RNF34: variants seen among roughly 807,000 people sequenced by gnomAD.
RNF34 encodes ring finger protein 34.
In RNF34, 12 loss-of-function variants were observed where a neutral mutation model predicts 37.9. That is an observed-to-expected ratio of 0.32 (90% CI 0.20 to 0.51). RNF34 has a LOEUF of 0.51. Among genes scored for constraint, RNF34 ranks in the 20% least tolerant of loss-of-function variants. The pLI, the probability that RNF34 is intolerant of heterozygous loss-of-function variation, is 0.97. For missense variants in RNF34, 362 were observed against 472.7 expected, an observed-to-expected ratio of 0.77 and a Z score of 2.17; for synonymous variants, 155 against 177.2, an observed-to-expected ratio of 0.87 and a Z score of 1.00.
rs782026372 is a variant in RNF34 at position 121,416,287 on chromosome 12, T to C, written c.135T>C (p.Pro45=). 3 of 1,614,024 alleles carry C rather than the reference T, an allele frequency of 1.9e-6. No homozygotes were observed. The highest frequency in any genetic ancestry group is 2.7e-5 in the African/African-American group (2 of 74,904). The change falls in exon 2 of 6, where the codon CCT becomes CCC. Residue 45 remains proline (P), a synonymous_variant. Coordinates refer to ENST00000361234, the MANE Select transcript of RNF34 (RefSeq NM_025126.4). ...GTCCATTCAGATTTACACCAAACCC[T>C]GAGTTTTCCACCTACCCACCAGCAG... ...ATGPFRFTPN[P]EFSTYPPAAT...
chr12:121,421,395 A>AAC (rs1847111672), intron 5 of RNF34, among the ~76,000 whole-genome samples: 2 of 149,836 alleles, frequency 1.3e-5, no homozygotes, highest in Non-Finnish European at 3.0e-5. Context: ...AAAAAAAAAA[A>AAC]AAACCAAAAA....
intron 1 of RNF34, among the ~76,000 whole-genome samples, chr12:121,409,982 C>A (rs1204826006): frequency 6.6e-6 from 1 of 151,616 alleles, no homozygotes; most frequent in Non-Finnish European, 1.5e-5. Flanking sequence ...ATGGAGAAAC[C>A]CTGCCTCTAC....
intron 5 of RNF34, among the ~76,000 whole-genome samples, chr12:121,422,473 A>G (rs1872252144): frequency 6.6e-6 from 1 of 152,244 alleles, no homozygotes; most frequent in African/African-American, 2.4e-5. Context: ...CATATCTGCC[A>G]TCTCATCCCA....
Position 121,415,896 on chromosome 12 carries a change from T to C in RNF34, c.7-263T>C, listed in dbSNP as rs147940397. ...TGTACATGTATCTGTTTTGGGTGGG[T>C]AGGGAGGTTTTTTGTTCTGTAAAAT... is the stretch of plus-strand genomic sequence containing the variant. On this transcript the variant is annotated intron_variant, in intron 1 of 5. Transcript: ENST00000361234. Among the ~76,000 whole-genome samples the C allele has an allele frequency of 1.7e-3, 239 of 140,028 alleles. 2 individuals are homozygous for C. The highest frequency in any genetic ancestry group is 0.01 in the South Asian group (43 of 4,174). The allele number at this position is 140,028 out of a possible 152,430, so 91.9% of individuals were successfully genotyped here. A position where few individuals can be genotyped will look rare whatever the true frequency, so the allele number is the denominator to read the frequency against.
chr12:121,416,381 A>G lies in RNF34; in HGVS notation c.225+4A>G. On this transcript the variant is annotated splice_donor_region_variant and intron_variant, in intron 2 of 5. Transcript: ENST00000361234. ...ATTTTCAGTCTTTAGAAAGAAGGTG[A>G]GTTGGATGAAATGTTACATAACAAC... The G allele has an allele frequency of 1.3e-6, 2 of 1,589,446 alleles. No individual in the cohort carries two copies. The highest frequency in any genetic ancestry group is 1.7e-6 in the Non-Finnish European group (2 of 1,157,554).
chr12:121,421,775 G>A (rs1872190455), intron 5 of RNF34, among the ~76,000 whole-genome samples: 1 of 152,152 alleles, frequency 6.6e-6, no homozygotes, highest in African/African-American at 2.4e-5. Flanking sequence ...TTAGGCGTGG[G>A]CCACCATGCC....
Position 121,416,373 on chromosome 12 carries a change from A to G in RNF34, c.221A>G (p.Lys74Arg), listed in dbSNP as rs1555282203. Residue 74 changes from lysine to arginine, a missense_variant, in exon 2 of 6, where the codon AAG (lysine) becomes AGG (arginine). Transcript: ENST00000361234. The part of the protein sequence containing the change: ...ACGLSFSVFR[K>R]KHVCCDCKKD... Reference sequence around the variant, plus strand: ...GGGCTTTCATTTTCAGTCTTTAGAAAGAAGGTGAGTTGGATGAAATGTTAC... The same window carrying G: ...GGGCTTTCATTTTCAGTCTTTAGAAGGAAGGTGAGTTGGATGAAATGTTAC... 1.2e-6 allele frequency: 2 copies of G among 1,606,760 alleles called. No individual in the cohort carries two copies. The highest frequency in any genetic ancestry group is 1.7e-6 in the Non-Finnish European group (2 of 1,173,234).
chr12:121,400,372 C>G (rs781924694), intron 1 of RNF34, among the ~76,000 whole-genome samples, 154 bp downstream of exon 1: 12 of 152,224 alleles, frequency 7.9e-5, no homozygotes, highest in Non-Finnish European at 1.5e-4. Flanking sequence ...TCAGGTGCCC[C>G]AACCGAGCCA....
At chr12:121,422,199 T>C (rs1307399167) in intron 5 of RNF34, among the ~76,000 whole-genome samples, 1 of 152,234 alleles carries the variant, frequency 6.6e-6, no homozygotes, top group Non-Finnish European at 1.5e-5. Context: ...TTCCAGTGTC[T>C]TTCTCCATTA....
Position 121,418,360 on chromosome 12 carries a change from GA to G in RNF34, c.633+451del, listed in dbSNP as rs377629063. On this transcript the variant is annotated intron_variant, in intron 3 of 5. Transcript: ENST00000361234. ...AATTTAGTTAATGAAAGAGCCATCT[GA>G]ATTAGTGAAAAAATGTAGTTATTTA... The G allele has an allele frequency of 1.0e-3, 164 of 158,866 alleles. No individual in the cohort carries two copies. In the South Asian group the frequency reaches 0.023, roughly 23 times the overall value. 9.8% of individuals were successfully genotyped at this position (158,866 alleles called of 1,614,324 possible).
At chr12:121,416,416 T>A in intron 2 of RNF34, 39 bp downstream of exon 2, 1 of 1,313,372 alleles carries the variant, frequency 7.6e-7, no homozygotes, top group Non-Finnish European at 1.1e-6. Context: ...CACACATGGG[T>A]CAGCATTCTT....
At chr12:121,415,273 GTATAT>G (rs1593666899) in intron 1 of RNF34, 1 of 352,182 alleles carries the variant, frequency 2.8e-6, no homozygotes, top group Middle Eastern at 3.8e-4. Context: ...ATATGCTATA[GTATAT>G]TATACCCAAT....
Position 121,421,587 on chromosome 12 carries a change from T to C in RNF34, c.928+809T>C, listed in dbSNP as rs566637758. 3.3e-5 allele frequency among the ~76,000 whole-genome samples: 5 copies of C among 152,170 alleles called. No homozygotes were observed. The South Asian group carries it at 1.0e-3, about 32-fold the overall frequency. On this transcript the variant is annotated intron_variant, in intron 5 of 5. Coordinates refer to ENST00000361234, the MANE Select transcript of RNF34 (RefSeq NM_025126.4). ...CTTCTCAACTATACATTGATGAAATTTGGCACAGAAATTCTTCCTCAGCTG... is the reference window on the plus strand; with the variant it reads ...CTTCTCAACTATACATTGATGAAATCTGGCACAGAAATTCTTCCTCAGCTG...
rs782167758 is a variant in RNF34 at position 121,420,298 on chromosome 12, G to T, written c.690G>T (p.Glu230Asp). The change falls in exon 4 of 6, where the codon GAG becomes GAT. Residue 230 changes from glutamate to aspartate, a missense_variant. Coordinates refer to ENST00000361234, the MANE Select transcript of RNF34 (RefSeq NM_025126.4). Reference sequence around the variant, plus strand: ...AAGATGATGATGACGACGATGATGAGGATGATGATGATGAAGAAGAAAACG... The same window carrying T: ...AAGATGATGATGACGACGATGATGATGATGATGATGATGAAGAAGAAAACG... Reference protein sequence around the residue: ...NTEDDDDDDDEDDDDEEENAE... With the variant: ...NTEDDDDDDDDDDDDEEENAE... The T allele has an allele frequency of 5.3e-5, 84 of 1,584,838 alleles. No individual in the cohort carries two copies. The highest frequency in any genetic ancestry group is 7.0e-5 in the Non-Finnish European group (81 of 1,163,052).
At chr12:121,412,417 G>GT (rs1229295122) in intron 1 of RNF34, among the ~76,000 whole-genome samples, 1 of 151,296 alleles carries the variant, frequency 6.6e-6, no homozygotes, top group Non-Finnish European at 1.5e-5. Context: ...TTTTGTTTTT[G>GT]TTTTTTTAGT....
chr12:121,402,167 A>C (rs962615394), intron 1 of RNF34, among the ~76,000 whole-genome samples: 3 of 152,124 alleles, frequency 2.0e-5, no homozygotes, highest in African/African-American at 4.8e-5. Flanking sequence ...GCCGGGTGCA[A>C]TAGCTCACGC....
At chr12:121,421,383 A>ACAAC (rs1555283365) in intron 5 of RNF34, among the ~76,000 whole-genome samples, 1 of 147,500 alleles carries the variant, frequency 6.8e-6, no homozygotes, top group Non-Finnish European at 1.5e-5. Context: ...AAAAAAAAAA[A>ACAAC]AAAAAAAAAA....
intron 1 of RNF34, 125 bp from the exon 2 acceptor site, chr12:121,416,034 G>C (rs1871541600): frequency 1.4e-6 from 1 of 699,202 alleles, no homozygotes; most frequent in East Asian, 2.6e-5. Context: ...TCAGTGCCCA[G>C]AGGAATATAG....
intron 1 of RNF34, chr12:121,409,555 A>C (rs1163271271): frequency 6.6e-6 from 1 of 152,218 alleles, no homozygotes; most frequent in Non-Finnish European, 1.5e-5. Flanking sequence ...CCTGGCCTGT[A>C]TATCAGAATT....
Sources: gnomAD v4.1 joint callset for allele counts (sites outside exome capture counted in the v4.1 genomes callset) on GRCh38, gnomAD v4.1.1 for gene constraint, MANE v1.5 for transcripts, NCBI Gene and HGNC (gene_info 2026-07-23, HGNC 2026-07-21) for gene names.